FAM149B1: variants seen among roughly 807,000 people sequenced by gnomAD.
FAM149B1 encodes primary cilium assembly protein FAM149B1.
Under a neutral mutation model 75.3 loss-of-function variants are expected in FAM149B1, and 56 were observed. The ratio of observed to expected loss-of-function variants is 0.74; its 90% CI spans 0.60 to 0.93. FAM149B1 has a LOEUF of 0.93. Among genes scored for constraint, FAM149B1 ranks in the 40% least tolerant of loss-of-function variants. FAM149B1 has a pLI of 0.00. For missense variants in FAM149B1, 639 were observed against 708.4 expected (o/e 0.90, Z 1.11); for synonymous variants, 259 against 256.1 (o/e 1.01, Z -0.11).
chr10:73,206,822 TGA>T (rs1200806351), intron 5 of FAM149B1, among the ~76,000 whole-genome samples: 6 of 151,934 alleles, frequency 3.9e-5, no homozygotes, highest in Non-Finnish European at 8.8e-5. Context: ...GGCTGAGGCA[TGA>T]GAATCCCTTG....
At chr10:73,225,442 C>T (rs921376228) in intron 7 of FAM149B1, among the ~76,000 whole-genome samples, 10 of 151,776 alleles carry the variant, frequency 6.6e-5, no homozygotes, top group Admixed American at 4.6e-4. Flanking sequence ...AAAGATTAAA[C>T]AGTAAAAATT....
At chr10:73,227,258 T>A (rs1190484328) in intron 7 of FAM149B1, among the ~76,000 whole-genome samples, 1 of 151,894 alleles carries the variant, frequency 6.6e-6, no homozygotes, top group Non-Finnish European at 1.5e-5. Context: ...CAGCTAATTT[T>A]AATTTTTTTT....
At position 73,228,132 on chromosome 10, in the gene FAM149B1, TGGTGTTACCG is replaced by T. The variant is rs1388607556; in HGVS notation, c.972_981del (p.Leu324PhefsTer16). The T allele has an allele frequency of 1.3e-6, 2 of 1,551,416 alleles. No individual in the cohort carries two copies. Among genetic ancestry groups the T allele is most frequent in the Non-Finnish European group, 1.7e-6 (2 of 1,146,838 alleles). On this transcript the variant is annotated frameshift_variant, in exon 8 of 14. Transcript: ENST00000242505. LOFTEE classifies it high-confidence loss of function. ...TGTGTGCTGAGTGAACTACATCCTT[TGGTGTTACCG>T]CGAGTGCCACAGTCTAAGGTGCTGT...
chr10:73,220,882 G>C (rs1164428856), intron 7 of FAM149B1, among the ~76,000 whole-genome samples: 1 of 152,196 alleles, frequency 6.6e-6, no homozygotes, highest in African/African-American at 2.4e-5. Flanking sequence ...CACCCAATCA[G>C]TGCTATTTTG....
chr10:73,216,647 A>G (rs1321260468), intron 7 of FAM149B1, among the ~76,000 whole-genome samples: 1 of 152,160 alleles, frequency 6.6e-6, no homozygotes, highest in Non-Finnish European at 1.5e-5. Context: ...AGCAGCCTAT[A>G]CCAGGGAATT....
chr10:73,198,699 G>C (rs925547344), intron 5 of FAM149B1, among the ~76,000 whole-genome samples: 1 of 152,178 alleles, frequency 6.6e-6, no homozygotes, highest in Non-Finnish European at 1.5e-5. Flanking sequence ...CAGCTACTCA[G>C]GAGGCTGAGG....
At chr10:73,222,062 T>G (rs2133385684) in intron 7 of FAM149B1, among the ~76,000 whole-genome samples, 1 of 152,328 alleles carries the variant, frequency 6.6e-6, no homozygotes. Flanking sequence ...TAGGTTGGTT[T>G]CAGTTGATAC....
chr10:73,200,730 A>G (rs1467680603), intron 5 of FAM149B1: 3 of 464,308 alleles, frequency 6.5e-6, no homozygotes, highest in East Asian at 1.0e-4. Context: ...AAAAAGGAAG[A>G]CTTGAACCTT....
chr10:73,228,205 T>C (rs200404642), intron 8 of FAM149B1, 21 bp downstream of exon 8: 58 of 1,550,954 alleles, frequency 3.7e-5, no homozygotes, highest in African/African-American at 5.5e-5. Flanking sequence ...GAGGGATCAG[T>C]TGGAGACCCC....
rs896574898 is a variant in FAM149B1 at position 73,243,452 on chromosome 10, T to G, written c.*2433T>G. 1 of 1,613,996 alleles carries G rather than the reference T, an allele frequency of 6.2e-7. No homozygotes were observed. The highest frequency in any genetic ancestry group is 8.5e-7 in the Non-Finnish European group (1 of 1,179,886). On this transcript the variant is annotated 3_prime_UTR_variant, in exon 14 of 14. Coordinates refer to ENST00000242505, the MANE Select transcript of FAM149B1 (RefSeq NM_173348.2). ...TTTTTTCCCTCCTCCTTTGGAAGAT[T>G]TGCAGTACTTTGCTTCCATCTGAGC...
intron 1 of FAM149B1, among the ~76,000 whole-genome samples, chr10:73,174,023 A>C (rs1843831988): frequency 1.3e-5 from 2 of 152,046 alleles, no homozygotes; most frequent in South Asian, 4.1e-4. Context: ...ATTTCTCTTT[A>C]TTGCTGAATA....
intron 7 of FAM149B1, among the ~76,000 whole-genome samples, chr10:73,219,357 A>T (rs1192099592): frequency 6.6e-6 from 1 of 152,208 alleles, no homozygotes; most frequent in Non-Finnish European, 1.5e-5. Context: ...TTTCAGTACA[A>T]TCCCTATCAA....
intron 10 of FAM149B1, among the ~76,000 whole-genome samples, chr10:73,233,897 C>T (rs1030043552): frequency 1.3e-5 from 2 of 152,132 alleles, no homozygotes; most frequent in South Asian, 4.1e-4. Flanking sequence ...ACAATGAAAA[C>T]TTCATAAACC....
intron 2 of FAM149B1, 42 bp downstream of exon 2, chr10:73,174,833 C>T (rs893274181): frequency 1.3e-5 from 18 of 1,352,452 alleles, no homozygotes; most frequent in Non-Finnish European, 1.6e-5. Flanking sequence ...TGCACTTGCT[C>T]ATGGCAGAGG....
At chr10:73,209,453 A>G (rs928331044) in intron 6 of FAM149B1, among the ~76,000 whole-genome samples, 19 of 152,194 alleles carry the variant, frequency 1.2e-4, no homozygotes, top group African/African-American at 4.1e-4. Flanking sequence ...ATCTCCAAAA[A>G]CAAAACAAAA....
intron 13 of FAM149B1, among the ~76,000 whole-genome samples, chr10:73,240,554 T>A (rs1315794989): frequency 1.3e-5 from 2 of 151,888 alleles, no homozygotes; most frequent in Non-Finnish European, 2.9e-5. Flanking sequence ...CTACTAAAAA[T>A]ACAAAAAATT....
intron 7 of FAM149B1, among the ~76,000 whole-genome samples, chr10:73,221,154 G>C (rs192910463): frequency 2.0e-5 from 3 of 152,072 alleles, no homozygotes; most frequent in Non-Finnish European, 4.4e-5. Flanking sequence ...GTTTCTTTTC[G>C]GAGTGATAGA....
In FAM149B1 at chr10:73,233,121, A is replaced by G; in HGVS notation, c.1310A>G (p.Glu437Gly). 6.4e-7 allele frequency: 1 copy of G among 1,551,810 alleles called. No homozygotes were observed. The highest frequency in any genetic ancestry group is 8.7e-7 in the Non-Finnish European group (1 of 1,147,024). Residue 437 changes from glutamate to glycine, a missense_variant, in exon 10 of 14, where the codon GAA becomes GGA. Transcript: ENST00000242505. ...ATCAGCACGAGCCATTCATGTGCTGAAACACCAAGATCTGTGGAAGAAATC... is the reference window on the plus strand; with the variant it reads ...ATCAGCACGAGCCATTCATGTGCTGGAACACCAAGATCTGTGGAAGAAATC... Reference protein sequence around the residue: ...HPISTSHSCAETPRSVEEILR... With the variant: ...HPISTSHSCAGTPRSVEEILR...
At position 73,210,313 on chromosome 10, in the gene FAM149B1, C is replaced by G; in HGVS notation, c.773C>G (p.Pro258Arg). The change falls in exon 7 of 14, where the codon CCT (proline) becomes CGT (arginine). Residue 258 changes from proline to arginine, a missense_variant. Coordinates refer to ENST00000242505, the MANE Select transcript of FAM149B1 (RefSeq NM_173348.2). ...AATEKQKLGY[P>R]PIAPFYCMKE... Reference sequence around the variant, plus strand: ...ACAGAGAAACAGAAATTAGGGTATCCTCCCATTGCTCCATTTTACTGCATG... The same window carrying G: ...ACAGAGAAACAGAAATTAGGGTATCGTCCCATTGCTCCATTTTACTGCATG... The G allele has an allele frequency of 6.4e-7, 1 of 1,550,558 alleles. No homozygotes were observed.
Sources: gnomAD v4.1 joint callset for allele counts (sites outside exome capture counted in the v4.1 genomes callset) on GRCh38, gnomAD v4.1.1 for gene constraint, MANE v1.5 for transcripts, NCBI Gene and HGNC (gene_info 2026-07-23, HGNC 2026-07-21) for gene names.